The following SNAP91 variants were observed in gnomAD, a reference collection of about 807,000 sequenced individuals.
SNAP91 encodes the protein clathrin coat assembly protein AP180.
Under a neutral mutation model 100.3 loss-of-function variants are expected in SNAP91, and 27 were observed. That is an observed-to-expected ratio of 0.27 (90% CI 0.20 to 0.37). The LOEUF is 0.37. Ranked by LOEUF, SNAP91 falls within the 10% of genes least tolerant of loss-of-function variation. SNAP91 has a pLI of 1.00. For synonymous variants in SNAP91, 404 were observed against 398.6 expected (o/e 1.01, Z -0.16); for missense variants, 986 against 1,123.7 (o/e 0.88, Z 1.75).
Position 83,618,187 on chromosome 6 carries a change from CATGTGATTATTATATTTGTAATT to C in SNAP91, c.808-1171_808-1149del, listed in dbSNP as rs552239605. Among the ~76,000 whole-genome samples, 98 of 151,738 alleles carry C rather than the reference CATGTGATTATTATATTTGTAATT, an allele frequency of 6.5e-4. 1 individual carries two copies. The East Asian group carries it at 0.014, about 22-fold the overall frequency. On this transcript the variant is annotated intron_variant, in intron 9 of 29. Coordinates refer to ENST00000369694, the MANE Select transcript of SNAP91 (RefSeq NM_001242792.2). Reference sequence around the variant, plus strand: ...AGACTCTTAAAACTGTCTTAACATTCATGTGATTATTATATTTGTAATTATGTGATTATTATAAGTGTAAATTA... The same window carrying C: ...AGACTCTTAAAACTGTCTTAACATTCATGTGATTATTATAAGTGTAAATTA...
At chr6:83,568,694 C>A (rs1480802180) in intron 26 of SNAP91, among the ~76,000 whole-genome samples, 1 of 152,050 alleles carries the variant, frequency 6.6e-6, no homozygotes, top group East Asian at 1.9e-4. Context: ...CTCTAAGAAG[C>A]AATTAAGGGA....
intron 11 of SNAP91, 91 bp downstream of exon 11, chr6:83,614,766 T>A: frequency 2.1e-6 from 2 of 953,952 alleles, no homozygotes; most frequent in South Asian, 1.6e-5. Flanking sequence ...CAGTTTTAAA[T>A]CTTCTAAATA....
intron 24 of SNAP91, among the ~76,000 whole-genome samples, chr6:83,577,804 A>C: frequency 6.6e-6 from 1 of 152,198 alleles, no homozygotes; most frequent in Non-Finnish European, 1.5e-5. Flanking sequence ...TAGTTTATTC[A>C]CAGTGCTAAC....
rs144530216 is a variant in SNAP91 at position 83,659,781 on chromosome 6, A to C, written c.453-689T>G. 1.1e-4 allele frequency among the ~76,000 whole-genome samples: 17 copies of C among 152,172 alleles called. No homozygotes were observed. The East Asian group carries it at 3.3e-3, about 29-fold the overall frequency. ...AGTTTTTTTTTCTTTTTTTTTGAGAAAGAGAAAACATGTCTTGGAAGTTTA... is the reference window on the plus strand; with the variant it reads ...AGTTTTTTTTTCTTTTTTTTTGAGACAGAGAAAACATGTCTTGGAAGTTTA... On this transcript the variant is annotated intron_variant, in intron 5 of 29. Coordinates refer to ENST00000369694, the MANE Select transcript of SNAP91 (RefSeq NM_001242792.2).
rs1586005589 is a variant in SNAP91, at chr6:83,657,429, G to A, written c.547-564C>T. 2.0e-5 allele frequency among the ~76,000 whole-genome samples: 3 copies of A among 151,972 alleles called. No homozygotes were observed. The South Asian group carries it at 6.2e-4, about 32-fold the overall frequency. ...CTTTATGACTTTCTCTTTTAAGACA[G>A]AACCCTTACTAAGGTCAAGGAAAGT... On this transcript the variant is annotated intron_variant, in intron 6 of 29. Coordinates refer to ENST00000369694, the MANE Select transcript of SNAP91 (RefSeq NM_001242792.2).
At position 83,708,894 on chromosome 6, in the gene SNAP91, G is replaced by T. The variant is rs1157849655; in HGVS notation, c.-80C>A. ...CCGCAGGATGAGCGGAGCCCGGGCC[G>T]CCGAGGGAAGCCGCGCCGGTGGATG... On this transcript the variant is annotated 5_prime_UTR_variant, in exon 1 of 30. Coordinates refer to ENST00000369694, the MANE Select transcript of SNAP91 (RefSeq NM_001242792.2). The T allele has an allele frequency of 6.6e-6, 1 of 151,976 alleles. No individual in the cohort carries two copies. Among genetic ancestry groups the T allele is most frequent in the East Asian group, 2.0e-4 (1 of 5,122 alleles). The allele number at this position is 151,976 out of a possible 1,614,324, so 9.4% of individuals were successfully genotyped here.
chr6:83,587,416 G>C (rs918372152), intron 22 of SNAP91, among the ~76,000 whole-genome samples: 46 of 152,036 alleles, frequency 3.0e-4, no homozygotes, highest in African/African-American at 1.1e-3. Flanking sequence ...CAGGATTCTA[G>C]AGAATCTTTT....
rs1355121956 is a variant in SNAP91, at chr6:83,592,928, C to A, written c.1846+18G>T. 1 of 1,562,828 alleles carries A rather than the reference C, an allele frequency of 6.4e-7. No individual in the cohort carries two copies. The highest frequency in any genetic ancestry group is 8.7e-7 in the Non-Finnish European group (1 of 1,150,956). ...CCACAAGACATCTCTGAAGTCCTGA[C>A]CTTGGCAAAGCACTCACCAGATAAG... On this transcript the variant is annotated intron_variant, in intron 20 of 29. Coordinates refer to ENST00000369694, the MANE Select transcript of SNAP91 (RefSeq NM_001242792.2).
chr6:83,697,946 A>G (rs1002514591), intron 2 of SNAP91, among the ~76,000 whole-genome samples: 14 of 152,170 alleles, frequency 9.2e-5, no homozygotes, highest in African/African-American at 3.4e-4. Context: ...ACCACTGAAG[A>G]GAATCCCACT....
intron 8 of SNAP91, among the ~76,000 whole-genome samples, chr6:83,637,735 A>C (rs2097524006): frequency 6.6e-6 from 1 of 152,304 alleles, no homozygotes; most frequent in South Asian, 2.1e-4. Flanking sequence ...ACATTTGTAC[A>C]AGAACCTGCA....
chr6:83,584,251 C>T (rs1428765667), intron 22 of SNAP91, among the ~76,000 whole-genome samples: 1 of 152,130 alleles, frequency 6.6e-6, no homozygotes, highest in Non-Finnish European at 1.5e-5. Flanking sequence ...TGACTCTTGA[C>T]TTCTTAAAAC....
At chr6:83,664,203 C>A (rs563080280) in intron 3 of SNAP91, among the ~76,000 whole-genome samples, 1 of 152,268 alleles carries the variant, frequency 6.6e-6, no homozygotes, top group Non-Finnish European at 1.5e-5. Context: ...GTTTTCATGA[C>A]TGCTAACACA....
chr6:83,568,476 TATAATA>T (rs56267925), intron 26 of SNAP91, among the ~76,000 whole-genome samples: 93,134 of 147,382 alleles, frequency 0.63, 30,856 homozygotes, highest in East Asian at 0.86. Context: ...CACATTAAAG[TATAATA>T]ATAATAATAA....
intron 20 of SNAP91, 89 bp from the exon 21 acceptor site, chr6:83,592,627 T>C: frequency 1.9e-6 from 2 of 1,058,698 alleles, no homozygotes; most frequent in Middle Eastern, 2.0e-4. Context: ...TGGGATTTCA[T>C]GGTTCACTCC....
intron 16 of SNAP91, among the ~76,000 whole-genome samples, chr6:83,598,918 T>C (rs2094834755): frequency 1.3e-5 from 2 of 152,152 alleles, no homozygotes. Flanking sequence ...GGAGACAATT[T>C]ATAGAACTAA....
chr6:83,615,866 T>C lies in SNAP91; in HGVS notation c.879-1004A>G, dbSNP rs141471113. On this transcript the variant is annotated intron_variant, in intron 10 of 29. Transcript: ENST00000369694. The stretch of plus-strand genomic sequence containing the variant: ...GCAACAAAGTCAGAAAATAGTTGCA[T>C]TTTGATAGCTCTGTCATAGGTAAAA... 4.0e-3 allele frequency among the ~76,000 whole-genome samples: 602 copies of C among 152,274 alleles called. 4 individuals carry two copies. Among genetic ancestry groups the C allele is most frequent in the Non-Finnish European group, 4.1e-3 (282 of 68,020 alleles).
At chr6:83,668,045 G>A (rs6915738) in intron 2 of SNAP91, among the ~76,000 whole-genome samples, 1 of 152,108 alleles carries the variant, frequency 6.6e-6, no homozygotes. Flanking sequence ...CTTCTCAAAA[G>A]AAGACATTTA....
chr6:83,580,890 A>G (rs1050613273), intron 23 of SNAP91, among the ~76,000 whole-genome samples: 1 of 152,248 alleles, frequency 6.6e-6, no homozygotes, highest in Non-Finnish European at 1.5e-5. Context: ...CACTGGCTAC[A>G]TGACTTTAAG....
intron 2 of SNAP91, among the ~76,000 whole-genome samples, chr6:83,703,674 G>A (rs183742801): frequency 1.8e-3 from 271 of 152,184 alleles, no homozygotes; most frequent in Middle Eastern, 6.8e-3. Context: ...AATTTGGGAG[G>A]AACGGAATCA....
Sources: gnomAD v4.1 joint callset for allele counts (sites outside exome capture counted in the v4.1 genomes callset) on GRCh38, gnomAD v4.1.1 for gene constraint, MANE v1.5 for transcripts, NCBI Gene and HGNC (gene_info 2026-07-23, HGNC 2026-07-21) for gene names.